Variants in SPHKAP observed in about 807,000 individuals in gnomAD.
SPHKAP encodes the protein SPHK1 interactor, AKAP domain containing.
SPHKAP carries 67 observed loss-of-function variants against 137.5 expected under a neutral mutation model. That is an observed-to-expected ratio of 0.49 (90% CI 0.40 to 0.60). The LOEUF (loss-of-function observed/expected upper bound fraction) is 0.60, where lower values mean the gene tolerates loss of function less well. SPHKAP is among the 20% of genes least tolerant of loss of function. The pLI is 0.00. For missense variants in SPHKAP, 2,097 were observed against 2,069.3 expected, an observed-to-expected ratio of 1.01 and a Z score of -0.26; for synonymous variants, 813 against 785.3, an observed-to-expected ratio of 1.04 and a Z score of -0.59.
chr2:228,025,353 A>G, intron 5 of SPHKAP, 41 bp downstream of exon 5: 1 of 1,610,302 alleles, frequency 6.2e-7, no homozygotes, highest in Non-Finnish European at 8.5e-7. Flanking sequence ...TGAGCTAACT[A>G]TAGATGTAAG....
chr2:228,080,800 A>G (rs1215115215), intron 3 of SPHKAP, among the ~76,000 whole-genome samples: 1 of 151,640 alleles, frequency 6.6e-6, no homozygotes. Flanking sequence ...AACCACAATG[A>G]TGTATCATCT....
At chr2:228,148,111 C>T (rs1253922234) in intron 1 of SPHKAP, among the ~76,000 whole-genome samples, 1 of 152,130 alleles carries the variant, frequency 6.6e-6, no homozygotes, top group African/African-American at 2.4e-5. Context: ...GGGGTGCTCT[C>T]GTTTTATTGA....
At chr2:228,099,838 G>A (rs1698126465) in intron 3 of SPHKAP, among the ~76,000 whole-genome samples, 1 of 132,764 alleles carries the variant, frequency 7.5e-6, no homozygotes. Context: ...GTACAGAAAT[G>A]CTACTGATTT....
intron 7 of SPHKAP, among the ~76,000 whole-genome samples, chr2:228,007,753 C>T (rs1426898407): frequency 6.6e-6 from 1 of 152,048 alleles, no homozygotes; most frequent in Non-Finnish European, 1.5e-5. Flanking sequence ...CAGAAAGAAA[C>T]CCACATATCT....
intron 1 of SPHKAP, chr2:228,132,455 A>G (rs768186283): frequency 2.6e-4 from 162 of 632,390 alleles, no homozygotes; most frequent in Non-Finnish European, 3.0e-4. Context: ...ACACCAACAC[A>G]TAACAAAATA....
chr2:228,021,959 C>T lies in SPHKAP; in HGVS notation c.449G>A (p.Trp150Ter). Residue 150 changes from tryptophan (W) to a stop codon, truncating the protein, a stop_gained, in exon 6 of 12, where the codon TGG (tryptophan) becomes TAG (stop). Coordinates refer to ENST00000392056, the MANE Select transcript of SPHKAP (RefSeq NM_001142644.2). LOFTEE classifies it high-confidence loss of function. ...TTGGACCAAGCAGATATCTGGCAGCCAAGGGCACTAAAAGTGGAGAGAAAA... is the reference window on the plus strand; with the variant it reads ...TTGGACCAAGCAGATATCTGGCAGCTAAGGGCACTAAAAGTGGAGAGAAAA... ...QADFEVSQCP[W>*]LPDICLVQCA... The T allele has an allele frequency of 6.3e-7, 1 of 1,591,102 alleles. No homozygotes were observed. Among genetic ancestry groups the T allele is most frequent in the Non-Finnish European group, 8.6e-7 (1 of 1,169,148 alleles).
intron 2 of SPHKAP, among the ~76,000 whole-genome samples, chr2:228,117,855 G>A (rs1284683176): frequency 2.0e-5 from 3 of 149,148 alleles, no homozygotes; most frequent in Admixed American, 6.7e-5. Flanking sequence ...TCTGTAGAAG[G>A]TGAATAAAGA....
At chr2:228,005,211 G>A (rs1457165375) in intron 7 of SPHKAP, among the ~76,000 whole-genome samples, 1 of 152,158 alleles carries the variant, frequency 6.6e-6, no homozygotes, top group East Asian at 1.9e-4. Flanking sequence ...AGGTCTCTAA[G>A]GACTTGCTTT....
At chr2:227,994,031 T>C (rs755011118) in intron 8 of SPHKAP, 92 of 985,208 alleles carry the variant, frequency 9.3e-5, no homozygotes, top group African/African-American at 4.4e-4. Flanking sequence ...TCTGAAAACA[T>C]GGGCTGGCAG....
At chr2:228,140,730 C>T (rs1222436277) in intron 1 of SPHKAP, among the ~76,000 whole-genome samples, 1 of 152,056 alleles carries the variant, frequency 6.6e-6, no homozygotes, top group African/African-American at 2.4e-5. Context: ...TGGCTTAGCA[C>T]CGTCTCCTTG....
chr2:227,984,624 C>A (rs1693144789), intron 11 of SPHKAP, among the ~76,000 whole-genome samples: 2 of 152,090 alleles, frequency 1.3e-5, no homozygotes, highest in South Asian at 4.1e-4. Context: ...GAATAGCGGT[C>A]TTGAAGGGAA....
intron 1 of SPHKAP, among the ~76,000 whole-genome samples, chr2:228,135,885 T>C (rs1699425993): frequency 6.6e-6 from 1 of 152,162 alleles, no homozygotes; most frequent in African/African-American, 2.4e-5. Context: ...TGTATATCAC[T>C]TTAATGATGC....
At chr2:227,986,398 A>G (rs1159147220) in intron 11 of SPHKAP, among the ~76,000 whole-genome samples, 5 of 148,916 alleles carry the variant, frequency 3.4e-5, no homozygotes, top group African/African-American at 4.9e-5. Flanking sequence ...GAATGATATT[A>G]TGGACTTTGG....
chr2:228,000,582 C>G (rs1025633068), intron 7 of SPHKAP, among the ~76,000 whole-genome samples: 1 of 151,652 alleles, frequency 6.6e-6, no homozygotes, highest in African/African-American at 2.4e-5. Flanking sequence ...GGCGCCACTG[C>G]ACTCCAGCCT....
At chr2:228,173,041 T>C (rs1700632394) in intron 1 of SPHKAP, 1 of 985,376 alleles carries the variant, frequency 1.0e-6, no homozygotes, top group Non-Finnish European at 1.2e-6. Context: ...AAGAGTGAAT[T>C]TGGTAGGGTT....
Position 227,984,125 on chromosome 2 carries a change from C to A in SPHKAP, c.4960-2265G>T, listed in dbSNP as rs531700728. 2.0e-5 allele frequency among the ~76,000 whole-genome samples: 3 copies of A among 152,076 alleles called. No individual in the cohort carries two copies. The South Asian group carries it at 6.3e-4, about 32-fold the overall frequency. On this transcript the variant is annotated intron_variant, in intron 11 of 11. Transcript: ENST00000392056. ...ACCAGCCTGACCAATGTGGTGAAAA[C>A]CACGTCTCTACTAAAAATACAAAAA...
At chr2:228,083,338 C>T (rs551592415) in intron 3 of SPHKAP, among the ~76,000 whole-genome samples, 2 of 152,194 alleles carry the variant, frequency 1.3e-5, no homozygotes, top group African/African-American at 4.8e-5. Flanking sequence ...TCCACAGACT[C>T]ACCAGCATCT....
At position 227,995,399 on chromosome 2, in the gene SPHKAP, T is replaced by G. The variant is rs866921147; in HGVS notation, c.4634+110A>C. Reference sequence around the variant, plus strand: ...CATAGTGGGAACTTTCCTTTTTTTGTTCTCTCCTTCTCTCTTTATTAGGGA... The same window carrying G: ...CATAGTGGGAACTTTCCTTTTTTTGGTCTCTCCTTCTCTCTTTATTAGGGA... On this transcript the variant is annotated intron_variant, in intron 8 of 11. Coordinates refer to ENST00000392056, the MANE Select transcript of SPHKAP (RefSeq NM_001142644.2). 1.1e-5 allele frequency: 14 copies of G among 1,328,444 alleles called. 1 individual carries two copies. The Middle Eastern group carries it at 1.9e-3, about 177-fold the overall frequency. The allele number at this position is 1,328,444 out of a possible 1,614,324, so 82.3% of individuals were successfully genotyped here.
At chr2:227,995,367 C>A (rs538924376) in intron 8 of SPHKAP, 142 bp downstream of exon 8, 8 of 917,708 alleles carry the variant, frequency 8.7e-6, no homozygotes, top group Non-Finnish European at 1.4e-5. Flanking sequence ...ACAGGCAGGC[C>A]CCTCGACATA....
Sources: gnomAD v4.1 joint callset for allele counts (sites outside exome capture counted in the v4.1 genomes callset) on GRCh38, gnomAD v4.1.1 for gene constraint, MANE v1.5 for transcripts, NCBI Gene and HGNC (gene_info 2026-07-23, HGNC 2026-07-21) for gene names.